Variants in FLNB observed in about 807,000 individuals in gnomAD.
FLNB encodes filamin B.
FLNB carries 111 observed loss-of-function variants against 250.6 expected under a neutral mutation model. That is an observed-to-expected ratio of 0.44 (90% confidence interval 0.38 to 0.52). The LOEUF is 0.52. Among genes scored for constraint, FLNB ranks in the 20% least tolerant of loss-of-function variants. The pLI, the probability that FLNB is intolerant of heterozygous loss-of-function variation, is 0.00. For synonymous variants in FLNB, 1,302 were observed against 1,372.1 expected (o/e 0.95, Z 1.13); for missense variants, 2,869 against 3,447.8 (o/e 0.83, Z 4.20).
At chr3:58,148,956 C>A in intron 36 of FLNB, 104 bp downstream of exon 36, 1 of 1,045,192 alleles carries the variant, frequency 9.6e-7, no homozygotes, top group Non-Finnish European at 1.5e-6. Context: ...CCTTTCTGAG[C>A]ATCCTTCAAG....
At chr3:58,072,301 T>C (rs915760707) in intron 1 of FLNB, among the ~76,000 whole-genome samples, 1 of 152,142 alleles carries the variant, frequency 6.6e-6, no homozygotes, top group Non-Finnish European at 1.5e-5. Context: ...AAGCAGATTC[T>C]AGGTGGTTAG....
At chr3:58,100,580 T>C (rs2097249078) in intron 8 of FLNB, among the ~76,000 whole-genome samples, 1 of 140,050 alleles carries the variant, frequency 7.1e-6, no homozygotes, top group South Asian at 2.3e-4. Flanking sequence ...TTTTTTTCTT[T>C]TTCTTTTTCT....
At chr3:58,014,365 G>A (rs1427883544) in intron 1 of FLNB, among the ~76,000 whole-genome samples, 1 of 152,188 alleles carries the variant, frequency 6.6e-6, no homozygotes, top group African/African-American at 2.4e-5. Context: ...TTTCCAAGCT[G>A]GACAGGGAGC....
At position 58,154,867 on chromosome 3, in the gene FLNB, G is replaced by C; in HGVS notation, c.6711G>C (p.Glu2237Asp). The change falls in exon 40 of 46, where the codon GAG becomes GAC. Residue 2237 changes from glutamate to aspartate, a missense_variant. Transcript: ENST00000295956. The stretch of plus-strand genomic sequence containing the variant: ...CTGTTGAGGGCCCCAGTAAGGCCGA[G>C]ATTACATTCGATGACCATAAAAATG... ...SIAVEGPSKA[E>D]ITFDDHKNGS... The C allele has an allele frequency of 6.2e-7, 1 of 1,614,086 alleles. No homozygotes were observed. The highest frequency in any genetic ancestry group is 8.5e-7 in the Non-Finnish European group (1 of 1,180,000).
intron 1 of FLNB, among the ~76,000 whole-genome samples, chr3:58,021,716 G>A (rs1364388476): frequency 6.6e-6 from 1 of 152,046 alleles, no homozygotes; most frequent in African/African-American, 2.4e-5. Flanking sequence ...ACATCCATGG[G>A]GAGTCACACC....
At chr3:58,152,945 G>A (rs2097347689) in intron 38 of FLNB, 2 of 312,924 alleles carry the variant, frequency 6.4e-6, no homozygotes, top group South Asian at 6.1e-5. Context: ...CCTGGTCTTT[G>A]GTTTGCTCAA....
chr3:58,162,905 T>A, intron 42 of FLNB: 1 of 511,666 alleles, frequency 2.0e-6, no homozygotes, highest in Non-Finnish European at 3.5e-6. Context: ...AGTGTTCTTC[T>A]GAGGCAGGGG....
At chr3:58,044,689 A>T (rs1296882829) in intron 1 of FLNB, among the ~76,000 whole-genome samples, 2 of 152,166 alleles carry the variant, frequency 1.3e-5, no homozygotes, top group African/African-American at 4.8e-5. Context: ...AGCTAGGAAG[A>T]TATCAGCTGA....
At chr3:58,149,767 G>A (rs1575461265) in intron 36 of FLNB, 83 bp from the exon 37 acceptor site, 14 of 1,550,346 alleles carry the variant, frequency 9.0e-6, no homozygotes, top group Admixed American at 1.7e-5. Context: ...GAGGCGTAAG[G>A]GTCGGATGTC....
intron 1 of FLNB, among the ~76,000 whole-genome samples, chr3:58,022,822 CTT>C (rs745616817): frequency 2.1e-5 from 3 of 144,672 alleles, no homozygotes; most frequent in Admixed American, 6.9e-5. Flanking sequence ...AAATTTGCTT[CTT>C]TTTTTTTTTT....
chr3:58,022,852 G>A (rs968904263), intron 1 of FLNB, among the ~76,000 whole-genome samples: 1 of 151,024 alleles, frequency 6.6e-6, no homozygotes, highest in African/African-American at 2.4e-5. Context: ...GAGTCTTGCT[G>A]TGTCTCCCAG....
At chr3:58,038,339 G>A (rs1378543880) in intron 1 of FLNB, among the ~76,000 whole-genome samples, 1 of 152,016 alleles carries the variant, frequency 6.6e-6, no homozygotes, top group Non-Finnish European at 1.5e-5. Context: ...TGTTCTTATT[G>A]TTAAAAAGAG....
intron 18 of FLNB, among the ~76,000 whole-genome samples, chr3:58,118,324 A>T (rs1444455143): frequency 6.6e-6 from 1 of 152,170 alleles, no homozygotes; most frequent in Non-Finnish European, 1.5e-5. Context: ...GGGGGCCTCA[A>T]ACTGATTCCT....
intron 43 of FLNB, among the ~76,000 whole-genome samples, chr3:58,168,177 G>A (rs903166226): frequency 6.6e-6 from 1 of 152,252 alleles, no homozygotes; most frequent in Non-Finnish European, 1.5e-5. Flanking sequence ...GCCCAGAGGA[G>A]AGAACAGGGT....
At position 58,130,830 on chromosome 3, in the gene FLNB, C is replaced by T. The variant is rs1376465311; in HGVS notation, c.4312C>T (p.Arg1438Cys). 30 of 1,613,510 alleles carry T rather than the reference C, an allele frequency of 1.9e-5. No homozygotes were observed. Among genetic ancestry groups the T allele is most frequent in the African/African-American group, 2.7e-5 (2 of 74,896 alleles). Residue 1438 changes from arginine (R) to cysteine (C), a missense_variant, in exon 25 of 46, where the codon CGT becomes TGT. Arg to Cys is a radical substitution (Grantham distance 180, BLOSUM62 -3). Coordinates refer to ENST00000295956, the MANE Select transcript of FLNB (RefSeq NM_001457.4). ...CGGGCTGGGCTCAGGCGTCCGAGCC[C>T]GTGTCCTGCAGTCCTTCACGGTGGA... ...GPGLGSGVRA[R>C]VLQSFTVDSS...
chr3:58,022,501 A>C (rs1214718443), intron 1 of FLNB, among the ~76,000 whole-genome samples: 1 of 152,242 alleles, frequency 6.6e-6, no homozygotes, highest in Non-Finnish European at 1.5e-5. Context: ...GAAGCTCAGA[A>C]AATGAATTTA....
intron 19 of FLNB, among the ~76,000 whole-genome samples, chr3:58,119,784 C>T (rs541095375): frequency 6.6e-6 from 1 of 152,310 alleles, no homozygotes; most frequent in Non-Finnish European, 1.5e-5. Flanking sequence ...GTTTTCAATT[C>T]AGTTTCTGTT....
chr3:58,136,172 A>C lies in FLNB; in HGVS notation c.4861+4A>C. The C allele has an allele frequency of 6.2e-7, 1 of 1,614,172 alleles. No individual in the cohort carries two copies. The highest frequency in any genetic ancestry group is 1.3e-5 in the African/African-American group (1 of 75,072). ...GCCAGCAAGTGCCTGGCCACGGGTG[A>C]GTACAGGGCATCTCAAGGTCAGGGG... On this transcript the variant is annotated splice_donor_region_variant and intron_variant, in intron 28 of 45. Transcript: ENST00000295956.
chr3:58,054,965 A>G (rs2097167976), intron 1 of FLNB, among the ~76,000 whole-genome samples: 1 of 151,970 alleles, frequency 6.6e-6, no homozygotes, highest in African/African-American at 2.4e-5. Flanking sequence ...GGCCCACAAA[A>G]CCTAAATATT....
Sources: gnomAD v4.1 joint callset for allele counts (sites outside exome capture counted in the v4.1 genomes callset) on GRCh38, gnomAD v4.1.1 for gene constraint, MANE v1.5 for transcripts, NCBI Gene and HGNC (gene_info 2026-07-23, HGNC 2026-07-21) for gene names.